Variants in DPP6 observed in about 807,000 individuals in gnomAD.
DPP6 encodes the protein A-type potassium channel modulatory protein DPP6.
DPP6 carries 69 observed loss-of-function variants against 122.6 expected under a neutral mutation model. The observed-to-expected ratio is 0.56, with a 90% CI of 0.46 to 0.69. DPP6 has a LOEUF of 0.69. Among genes scored for constraint, DPP6 ranks in the 30% least tolerant of loss-of-function variants. The probability of loss-of-function intolerance (pLI) is 0.00; values close to 1 mark genes in which losing one functional copy is unlikely to be tolerated. For synonymous variants in DPP6, 418 were observed against 433.1 expected, an observed-to-expected ratio of 0.97 and a Z score of 0.43; for missense variants, 928 against 1,116.9, an observed-to-expected ratio of 0.83 and a Z score of 2.41.
chr7:154,018,392 C>T lies in DPP6; in HGVS notation c.51+130658C>T, dbSNP rs77884847. 1.2e-4 allele frequency among the ~76,000 whole-genome samples: 19 copies of T among 152,242 alleles called. No homozygotes were observed. In the East Asian group the frequency reaches 3.7e-3, roughly 29 times the overall value. On this transcript the variant is annotated intron_variant, in intron 1 of 25. Transcript: ENST00000404039. ...GGGGATGAGAGTGGACACCGGAGACCATTTTTTGCCCATTTGTTAGTATTT... is the reference window on the plus strand; with the variant it reads ...GGGGATGAGAGTGGACACCGGAGACTATTTTTTGCCCATTTGTTAGTATTT...
At position 154,544,728 on chromosome 7, in the gene DPP6, C is replaced by T. The variant is rs921523049; in HGVS notation, c.552+4102C>T. ...GTCCAGTCTTATCCCTCAGGAGTGT[C>T]GTAGGACTGAATTACAGTTGTAACA... On this transcript the variant is annotated intron_variant, in intron 4 of 25. Transcript: ENST00000377770. 7.9e-5 allele frequency among the ~76,000 whole-genome samples: 12 copies of T among 152,114 alleles called. 1 individual carries two copies. The highest frequency in any genetic ancestry group is 2.2e-4 in the African/African-American group (9 of 41,406).
rs556962424 is a variant in DPP6 at position 154,339,456 on chromosome 7, C to G, written c.244-106758C>G. Among the ~76,000 whole-genome samples, 40 of 152,282 alleles carry G rather than the reference C, an allele frequency of 2.6e-4. No homozygotes were observed. The South Asian group carries it at 8.1e-3, about 31-fold the overall frequency. ...GCTGGTGTTTACTAAAAGGTCTTTC[C>G]TAAAGAGCCCACCGAATAGAAAACG... is the stretch of plus-strand genomic sequence containing the variant. On this transcript the variant is annotated intron_variant, in intron 1 of 25. Coordinates refer to ENST00000377770, the MANE Select transcript of DPP6 (RefSeq NM_130797.4).
rs149375369 is a variant in DPP6 at position 154,281,158 on chromosome 7, G to A, written c.244-165056G>A. ...TTCCCAAGGAGCTGGGATTACAGGC[G>A]TGCACCACCACGGCCAGCTAATTTT... On this transcript the variant is annotated intron_variant, in intron 1 of 25. Transcript: ENST00000377770. Among the ~76,000 whole-genome samples the A allele has an allele frequency of 2.3e-3, 346 of 151,962 alleles. 1 individual carries two copies. The highest frequency in any genetic ancestry group is 7.9e-3 in the African/African-American group (329 of 41,416).
At chr7:154,207,823 C>T (rs564589313) in intron 1 of DPP6, among the ~76,000 whole-genome samples, 6 of 152,146 alleles carry the variant, frequency 3.9e-5, no homozygotes, top group Admixed American at 6.5e-5. Flanking sequence ...GATGCGATGG[C>T]GCAGGCCTGT....
At chr7:154,113,412 T>TATATACACACACACACACAC (rs1472172445) in intron 1 of DPP6, among the ~76,000 whole-genome samples, 1 of 141,796 alleles carries the variant, frequency 7.1e-6, no homozygotes, top group African/African-American at 2.6e-5. Flanking sequence ...TATATATATA[T>TATATACACACACACACACAC]ACACACACAC....
intron 1 of DPP6, among the ~76,000 whole-genome samples, chr7:154,357,384 C>A (rs1414870874): frequency 1.3e-5 from 2 of 149,150 alleles, no homozygotes; most frequent in Non-Finnish European, 1.5e-5. Context: ...AATCTTCAAA[C>A]TAATGAAGTA....
intron 1 of DPP6, among the ~76,000 whole-genome samples, chr7:154,215,127 A>G (rs1799932328): frequency 6.6e-6 from 1 of 152,224 alleles, no homozygotes; most frequent in South Asian, 2.1e-4. Flanking sequence ...TCACAGTTCT[A>G]CATGGCTGGG....
At chr7:154,511,859 A>G (rs751105977) in intron 3 of DPP6, among the ~76,000 whole-genome samples, 4 of 152,192 alleles carry the variant, frequency 2.6e-5, no homozygotes, top group Non-Finnish European at 5.9e-5. Context: ...TTGGTGATAT[A>G]CTTTTTATCA....
chr7:154,451,089 G>T (rs964402464), intron 2 of DPP6, among the ~76,000 whole-genome samples: 1 of 152,128 alleles, frequency 6.6e-6, no homozygotes, highest in African/African-American at 2.4e-5. Flanking sequence ...TAAGGCCGGT[G>T]TGGTGGCTCA....
chr7:154,186,967 C>T (rs1798382019), intron 1 of DPP6, among the ~76,000 whole-genome samples: 1 of 152,200 alleles, frequency 6.6e-6, no homozygotes, highest in South Asian at 2.1e-4. Context: ...TGGGCTTCCT[C>T]CAGGCTGTCC....
intron 8 of DPP6, among the ~76,000 whole-genome samples, chr7:154,731,203 G>T (rs200328518): frequency 2.6e-5 from 4 of 152,130 alleles, no homozygotes; most frequent in Admixed American, 6.5e-5. Flanking sequence ...GTTAGGGGGT[G>T]GGGGGAGATT....
rs578053202 is a variant in DPP6 at position 154,740,284 on chromosome 7, G to GGAACT, written c.883+12398_883+12399insAACTG. Reference sequence around the variant, plus strand: ...TGAGGTTGAGATATTTGACACCCTTGGGAACTCTAATTTCTTTTTTTTTTT... The same window carrying GGAACT: ...TGAGGTTGAGATATTTGACACCCTTGGAACTGGAACTCTAATTTCTTTTTTTTTTT... On this transcript the variant is annotated intron_variant, in intron 8 of 25. Coordinates refer to ENST00000377770, the MANE Select transcript of DPP6 (RefSeq NM_130797.4). Among the ~76,000 whole-genome samples the GGAACT allele has an allele frequency of 1.1e-4, 16 of 150,300 alleles. No individual in the cohort carries two copies. The South Asian group carries it at 3.4e-3, about 32-fold the overall frequency.
chr7:154,744,166 C>T (rs1456080897), intron 8 of DPP6, among the ~76,000 whole-genome samples: 2 of 152,060 alleles, frequency 1.3e-5, no homozygotes, highest in Non-Finnish European at 2.9e-5. Flanking sequence ...AAAGCAGCTT[C>T]TCCAAGCTTT....
chr7:154,167,451 T>A (rs955682178), intron 1 of DPP6, among the ~76,000 whole-genome samples: 6 of 152,388 alleles, frequency 3.9e-5, no homozygotes, highest in Admixed American at 1.3e-4. Context: ...ATTTTTTAAG[T>A]GAGCTTATTT....
chr7:154,813,479 G>A (rs1304878884), intron 16 of DPP6, among the ~76,000 whole-genome samples: 1 of 152,070 alleles, frequency 6.6e-6, no homozygotes, highest in Non-Finnish European at 1.5e-5. Flanking sequence ...TATATAAATA[G>A]AGGTTCAGAA....
intron 1 of DPP6, among the ~76,000 whole-genome samples, chr7:153,921,539 G>A (rs766420297): frequency 7.9e-5 from 12 of 152,292 alleles, no homozygotes; most frequent in Middle Eastern, 3.4e-3. Flanking sequence ...GGCTGACACC[G>A]TTTGATCCAG....
At chr7:154,693,530 C>CA (rs1185574038) in intron 7 of DPP6, among the ~76,000 whole-genome samples, 2 of 152,174 alleles carry the variant, frequency 1.3e-5, no homozygotes, top group African/African-American at 4.8e-5. Flanking sequence ...CTGCTGAACT[C>CA]AGAGATGTCC....
chr7:153,833,932 G>A, the DPP6 span, among the ~76,000 whole-genome samples: 2 of 152,116 alleles, frequency 1.3e-5, no homozygotes, highest in Non-Finnish European at 2.9e-5. Flanking sequence ...GCCTCACATT[G>A]TCTTAAAATA....
the DPP6 span, among the ~76,000 whole-genome samples, chr7:153,798,385 C>T: frequency 6.6e-6 from 1 of 152,180 alleles, no homozygotes; most frequent in Admixed American, 6.5e-5. Flanking sequence ...TTCTACCATC[C>T]CCCAGCTGAT....
Sources: gnomAD v4.1 joint callset for allele counts (sites outside exome capture counted in the v4.1 genomes callset) on GRCh38, gnomAD v4.1.1 for gene constraint, MANE v1.5 for transcripts, NCBI Gene and HGNC (gene_info 2026-07-23, HGNC 2026-07-21) for gene names.